Variants in LAMA5 observed in about 807,000 individuals in gnomAD.
LAMA5 encodes the protein laminin subunit alpha-5.
Under a neutral mutation model 433.4 loss-of-function variants are expected in LAMA5, and 260 were observed. That is an observed-to-expected ratio of 0.60 (90% confidence interval 0.54 to 0.66). LAMA5 has a LOEUF of 0.66. Ranked by LOEUF, LAMA5 falls within the 30% of genes least tolerant of loss-of-function variation. LAMA5 has a pLI of 0.00. For missense variants in LAMA5, 5,378 were observed against 5,258.5 expected (o/e 1.02, Z -0.70); for synonymous variants, 2,620 against 2,226.6 (o/e 1.18, Z -4.97).
intron 18 of LAMA5, among the ~76,000 whole-genome samples, chr20:62,336,131 C>G (rs1981580204): frequency 6.7e-6 from 1 of 150,048 alleles, no homozygotes. Flanking sequence ...CGCAGCCCCC[C>G]TGAGGAACCC....
chr20:62,322,249 TGTGACCG>T lies in LAMA5; in HGVS notation c.6346+13_6346+19del. The T allele has an allele frequency of 6.4e-7, 1 of 1,574,152 alleles. No homozygotes were observed. Among genetic ancestry groups the T allele is most frequent in the Non-Finnish European group, 8.6e-7 (1 of 1,162,424 alleles). ...ACTCAGAAGTCCCCATCCGCCCTCCTGTGACCGGCCAGCACTCACGCCTGCAGCCCTG... is the reference window on the plus strand; with the variant it reads ...ACTCAGAAGTCCCCATCCGCCCTCCTGCCAGCACTCACGCCTGCAGCCCTG... On this transcript the variant is annotated intron_variant, in intron 47 of 79. Coordinates refer to ENST00000252999, the MANE Select transcript of LAMA5 (RefSeq NM_005560.6).
intron 1 of LAMA5, among the ~76,000 whole-genome samples, chr20:62,365,893 A>AAGGGGGTGGGGCAGGCAG (rs1431225928): frequency 6.6e-6 from 1 of 152,074 alleles, no homozygotes; most frequent in Non-Finnish European, 1.5e-5. Flanking sequence ...CACCAGGGCC[A>AAGGGGGTGGGGCAGGCAG]AGGGGGTGGG....
At chr20:62,343,423 T>TC (rs902729921) in intron 11 of LAMA5, among the ~76,000 whole-genome samples, 31 of 150,452 alleles carry the variant, frequency 2.1e-4, no homozygotes, top group African/African-American at 6.8e-4. Context: ...GGAAAAAAGC[T>TC]CCCCCCCAAA....
chr20:62,327,663 C>T lies in LAMA5; in HGVS notation c.4804G>A (p.Val1602Met), dbSNP rs762134623. ...LTGQCYCKENVQGPKCDQCSL... is the reference protein window; with the variant it reads ...LTGQCYCKENMQGPKCDQCSL... Reference sequence around the variant, plus strand: ...CACTGGTCACATTTGGGGCCCTGCACGTTCTCCTAGGGATGAGAGGACAGT... The same window carrying T: ...CACTGGTCACATTTGGGGCCCTGCATGTTCTCCTAGGGATGAGAGGACAGT... The change falls in exon 37 of 80, where the codon GTG becomes ATG. Residue 1602 changes from valine to methionine, a missense_variant. Coordinates refer to ENST00000252999, the MANE Select transcript of LAMA5 (RefSeq NM_005560.6). 10 of 1,612,940 alleles carry T rather than the reference C, an allele frequency of 6.2e-6. No individual in the cohort carries two copies. The highest frequency in any genetic ancestry group is 1.1e-5 in the South Asian group (1 of 91,082).
intron 1 of LAMA5, among the ~76,000 whole-genome samples, chr20:62,364,242 C>T (rs542655956): frequency 7.2e-5 from 11 of 152,346 alleles, no homozygotes; most frequent in African/African-American, 2.4e-4. Context: ...GCACACAGGT[C>T]CTGCTCAGGG....
intron 57 of LAMA5, 55 bp downstream of exon 57, chr20:62,316,616 T>C: frequency 2.2e-6 from 3 of 1,362,276 alleles, no homozygotes; most frequent in East Asian, 5.0e-5. Context: ...TGAGGGTCCC[T>C]GGGAGCTCAG....
Position 62,338,566 on chromosome 20 carries a change from C to T in LAMA5, c.1520G>A (p.Arg507Gln), listed in dbSNP as rs374841447. The T allele has an allele frequency of 8.7e-5, 140 of 1,611,090 alleles. 2 individuals are homozygous for T. Among genetic ancestry groups the T allele is most frequent in the South Asian group, 3.1e-4 (28 of 90,614 alleles). ...SAAGTQGNAC[R>Q]KDPRVGRCLC... ...ACAGCGTCCCACCCTTGGGTCCTTCCGGCAGGCGTTGCCCTGGGTCCCTGC... is the reference window on the plus strand; with the variant it reads ...ACAGCGTCCCACCCTTGGGTCCTTCTGGCAGGCGTTGCCCTGGGTCCCTGC... The change falls in exon 12 of 80, where the codon CGG becomes CAG. Residue 507 changes from arginine to glutamine, a missense_variant. Transcript: ENST00000252999.
At position 62,317,688 on chromosome 20, in the gene LAMA5, G is replaced by A. The variant is rs549637295; in HGVS notation, c.7330C>T (p.Leu2444=). The change falls in exon 54 of 80, where the codon CTG becomes TTG. Residue 2444 remains leucine, a synonymous_variant. Transcript: ENST00000252999. ...TCCTTAGCCTGGTCCAGGCTGTGCA[G>A]CAATCTGAAGACGCTGGCCAGGGTG... ...RDTLASVFRL[L]HSLDQAKEEL... is the part of the protein sequence containing the mutation. 19 of 1,598,290 alleles carry A rather than the reference G, an allele frequency of 1.2e-5. No individual in the cohort carries two copies. The highest frequency in any genetic ancestry group is 1.4e-5 in the Non-Finnish European group (17 of 1,173,296).
Position 62,353,238 on chromosome 20 carries a change from G to A in LAMA5, c.464C>T (p.Ala155Val). 1.3e-6 allele frequency: 2 copies of A among 1,595,194 alleles called. No homozygotes were observed. Among genetic ancestry groups the A allele is most frequent in the East Asian group, 2.3e-5 (1 of 44,056 alleles). Residue 155 changes from alanine (A) to valine (V), a missense_variant, in exon 3 of 80, where the codon GCC (alanine) becomes GTC (valine). Coordinates refer to ENST00000252999, the MANE Select transcript of LAMA5 (RefSeq NM_005560.6). ...GTTGGCAAACTTGATGAGGACGTAG[G>A]CCACGTGGAAGACCTGTGGGCCGAG... ...TLDLGQVFHV[A>V]YVLIKFANSP...
At chr20:62,364,907 G>A (rs1986551243) in intron 1 of LAMA5, among the ~76,000 whole-genome samples, 1 of 152,256 alleles carries the variant, frequency 6.6e-6, no homozygotes, top group Admixed American at 6.5e-5. Flanking sequence ...ATGGAGCTGC[G>A]GCTTCATCGC....
intron 52 of LAMA5, 50 bp from the exon 53 acceptor site, chr20:62,318,700 A>G (rs1282421613): frequency 6.3e-6 from 10 of 1,591,798 alleles, no homozygotes; most frequent in Non-Finnish European, 8.6e-6. Context: ...AGGCCCCTTC[A>G]TGACCCCTGG....
intron 44 of LAMA5, 46 bp from the exon 45 acceptor site, chr20:62,323,716 C>G (rs759179569): frequency 3.8e-6 from 6 of 1,594,198 alleles, no homozygotes; most frequent in Non-Finnish European, 5.1e-6. Flanking sequence ...GTGGCGCCCA[C>G]CCTCGCATAT....
chr20:62,355,333 G>A (rs2145172), intron 2 of LAMA5: 10,827 of 152,462 alleles, frequency 0.071, 448 homozygotes, highest in South Asian at 0.17. Context: ...GGCCCCAAGG[G>A]GGAGAGTGGG....
Position 62,309,748 on chromosome 20 carries a change from G to A in LAMA5, c.10916C>T (p.Ala3639Val). ...VGPLLAAAAG[A>V]PAPLYLGGLP... is the part of the protein sequence containing the mutation. ...GCCCCCGAGGTACAGAGGGGCTGGG[G>A]CACCAGCTGCAGCCGCCAGCAAGGG... Residue 3639 changes from alanine to valine, a missense_variant, in exon 79 of 80, where the codon GCC becomes GTC. Coordinates refer to ENST00000252999, the MANE Select transcript of LAMA5 (RefSeq NM_005560.6). 2 of 1,603,914 alleles carry A rather than the reference G, an allele frequency of 1.2e-6. No individual in the cohort carries two copies. Among genetic ancestry groups the A allele is most frequent in the Non-Finnish European group, 1.7e-6 (2 of 1,177,318 alleles).
intron 51 of LAMA5, 44 bp downstream of exon 51, chr20:62,319,640 C>T (rs1452171399): frequency 7.1e-7 from 1 of 1,405,586 alleles, no homozygotes; most frequent in Middle Eastern, 2.0e-4. Flanking sequence ...CCCCAGGCAG[C>T]CCTCCTGGCT....
intron 11 of LAMA5, among the ~76,000 whole-genome samples, chr20:62,343,505 G>C (rs1379019195): frequency 6.6e-6 from 1 of 152,224 alleles, no homozygotes; most frequent in Non-Finnish European, 1.5e-5. Context: ...GCTGGGCGCA[G>C]AGGCTTACGC....
chr20:62,310,345 G>C, intron 76 of LAMA5, 34 bp from the exon 77 acceptor site: 2 of 1,576,228 alleles, frequency 1.3e-6, no homozygotes, highest in East Asian at 2.2e-5. Context: ...GAAGAAAGGG[G>C]GGGCCCCTCC....
chr20:62,326,412 CCAACAGCTACTGAG>C, intron 40 of LAMA5: 1 of 434,258 alleles, frequency 2.3e-6, no homozygotes, highest in South Asian at 4.4e-5. Context: ...ATGGAGGAAG[CCAACAGCTACTGAG>C]CAGCTGCTCA....
At chr20:62,334,957 G>C (rs936578916) in intron 20 of LAMA5, 64 bp downstream of exon 20, 45 of 1,501,106 alleles carry the variant, frequency 3.0e-5, no homozygotes, top group Non-Finnish European at 3.8e-5. Context: ...CCGGGCCTTG[G>C]GTTCCCCAGC....
Sources: allele counts gnomAD v4.1 joint callset (sites outside exome capture counted in the v4.1 genomes callset), GRCh38; gene constraint gnomAD v4.1.1; transcripts MANE v1.5; gene names NCBI Gene and HGNC (gene_info 2026-07-23, HGNC 2026-07-21).